Variants in CENPP observed in about 807,000 individuals in gnomAD.
CENPP encodes centromere protein P.
In CENPP, 24 loss-of-function variants were observed where a neutral mutation model predicts 35.6. That is an observed-to-expected ratio of 0.67 (90% CI 0.49 to 0.95). The LOEUF (loss-of-function observed/expected upper bound fraction) is 0.95, where lower values mean the gene tolerates loss of function less well. Ranked by LOEUF, CENPP falls within the 40% of genes least tolerant of loss-of-function variation. The pLI, the probability that CENPP is intolerant of heterozygous loss-of-function variation, is 0.00. For missense variants in CENPP, 332 were observed against 345.3 expected (o/e 0.96, Z 0.31); for synonymous variants, 120 against 125.5 (o/e 0.96, Z 0.29).
chr9:92,453,586 G>A (rs1016813044), intron 5 of CENPP, among the ~76,000 whole-genome samples: 7 of 151,974 alleles, frequency 4.6e-5, no homozygotes, highest in African/African-American at 7.3e-5. Flanking sequence ...GTTGATTTGG[G>A]GTGGAGAGTT....
intron 5 of CENPP, among the ~76,000 whole-genome samples, chr9:92,553,269 T>G (rs1849652321): frequency 6.6e-6 from 1 of 152,266 alleles, no homozygotes; most frequent in East Asian, 1.9e-4. Flanking sequence ...CATTGGTCTA[T>G]ATGCCTATTT....
At chr9:92,360,115 A>T (rs1278164014) in intron 4 of CENPP, among the ~76,000 whole-genome samples, 2 of 152,062 alleles carry the variant, frequency 1.3e-5, no homozygotes, top group African/African-American at 2.4e-5. Flanking sequence ...TCTCCTTTAA[A>T]TATATTTTAA....
chr9:92,578,070 A>G (rs540878230), intron 5 of CENPP, among the ~76,000 whole-genome samples: 12 of 151,640 alleles, frequency 7.9e-5, no homozygotes, highest in African/African-American at 2.4e-4. Flanking sequence ...TGTTCTTGCA[A>G]TAGTTTACTG....
intron 5 of CENPP, among the ~76,000 whole-genome samples, chr9:92,434,039 A>G (rs1417449050): frequency 6.6e-6 from 1 of 152,168 alleles, no homozygotes; most frequent in Non-Finnish European, 1.5e-5. Flanking sequence ...CACTAATTCT[A>G]GCTGAGCCAA....
chr9:92,588,312 G>T (rs975781762), intron 5 of CENPP, among the ~76,000 whole-genome samples: 1 of 151,446 alleles, frequency 6.6e-6, no homozygotes, highest in African/African-American at 2.4e-5. Flanking sequence ...GCAGTGGCGC[G>T]ATCTCGGCTC....
At chr9:92,506,993 C>T (rs1033321688) in intron 5 of CENPP, among the ~76,000 whole-genome samples, 3 of 152,086 alleles carry the variant, frequency 2.0e-5, no homozygotes, top group South Asian at 2.1e-4. Flanking sequence ...CTGCAACCTC[C>T]GCCTCCCGGG....
chr9:92,436,149 C>T (rs541380467), intron 5 of CENPP, among the ~76,000 whole-genome samples: 1 of 152,272 alleles, frequency 6.6e-6, no homozygotes, highest in Admixed American at 6.5e-5. Flanking sequence ...TTGCATTTCC[C>T]AAATAGCTAA....
chr9:92,446,622 A>T (rs1008520376), intron 5 of CENPP, among the ~76,000 whole-genome samples: 4 of 152,142 alleles, frequency 2.6e-5, no homozygotes, highest in African/African-American at 9.7e-5. Flanking sequence ...CTTTTCCTTC[A>T]CTAATAAGCA....
At chr9:92,362,186 C>T (rs73518479) in intron 4 of CENPP, among the ~76,000 whole-genome samples, 3,075 of 151,982 alleles carry the variant, frequency 0.02, 109 homozygotes, top group African/African-American at 0.07. Flanking sequence ...CCATCCTGAG[C>T]AACAGAGCAA....
chr9:92,618,645 C>A lies in CENPP; in HGVS notation c.*5496C>A, dbSNP rs1387175893. 1 of 442,528 alleles carries A rather than the reference C, an allele frequency of 2.3e-6. No individual in the cohort carries two copies. Among genetic ancestry groups the A allele is most frequent in the Admixed American group, 2.4e-5 (1 of 41,598 alleles). 27.4% of individuals were successfully genotyped at this position (442,528 alleles called of 1,614,324 possible). On this transcript the variant is annotated 3_prime_UTR_variant, in exon 8 of 8. Transcript: ENST00000375587. Reference sequence around the variant, plus strand: ...CTGTAGGTATTTCCTTAGGGGATAACAGGAGTTTTCAACTAAATAGAACAA... The same window carrying A: ...CTGTAGGTATTTCCTTAGGGGATAAAAGGAGTTTTCAACTAAATAGAACAA...
intron 5 of CENPP, chr9:92,514,486 G>T: frequency 9.3e-7 from 1 of 1,073,836 alleles, no homozygotes; most frequent in Non-Finnish European, 1.3e-6. Flanking sequence ...TATTGTCCAG[G>T]CTGGTCTCAA....
intron 4 of CENPP, among the ~76,000 whole-genome samples, chr9:92,378,018 A>G (rs1242314538): frequency 1.3e-5 from 2 of 152,116 alleles, no homozygotes; most frequent in Non-Finnish European, 2.9e-5. Flanking sequence ...TAACAGAGCA[A>G]CCCACTGTGT....
intron 5 of CENPP, among the ~76,000 whole-genome samples, chr9:92,573,283 G>A (rs945646969): frequency 1.3e-5 from 2 of 152,146 alleles, no homozygotes; most frequent in African/African-American, 4.8e-5. Flanking sequence ...GTTTTGGTGT[G>A]GATGTCCTTT....
intron 5 of CENPP, among the ~76,000 whole-genome samples, chr9:92,484,165 T>C (rs189061549): frequency 5.9e-5 from 9 of 152,286 alleles, no homozygotes; most frequent in African/African-American, 1.4e-4. Flanking sequence ...GAACTGTTTA[T>C]TGAAGTGTAT....
intron 5 of CENPP, among the ~76,000 whole-genome samples, chr9:92,423,953 A>C (rs1167448310): frequency 6.6e-6 from 1 of 152,150 alleles, no homozygotes; most frequent in Non-Finnish European, 1.5e-5. Context: ...TTCAAAGTAA[A>C]AAAAAATCTA....
At chr9:92,332,490 A>G (rs563058151) in intron 2 of CENPP, 139 bp downstream of exon 2, 8 of 646,296 alleles carry the variant, frequency 1.2e-5, no homozygotes, top group South Asian at 1.1e-4. Flanking sequence ...GTTTACTCAC[A>G]TATCTTTTGA....
chr9:92,533,107 G>C (rs1170081984), intron 5 of CENPP, among the ~76,000 whole-genome samples: 1 of 151,016 alleles, frequency 6.6e-6, no homozygotes, highest in Non-Finnish European at 1.5e-5. Flanking sequence ...GACCAGCCTG[G>C]CCAATATGGT....
At position 92,372,588 on chromosome 9, in the gene CENPP, T is replaced by C. The variant is rs538776050; in HGVS notation, c.468-7175T>C. 2.8e-4 allele frequency among the ~76,000 whole-genome samples: 43 copies of C among 152,328 alleles called. 1 individual carries two copies. The South Asian group carries it at 8.9e-3, about 32-fold the overall frequency. ...AAATGTCATCCTTTCGCCTCCAAGT[T>C]TAGGACTTCCTTGAGCATTTCTTCT... On this transcript the variant is annotated intron_variant, in intron 4 of 7. Transcript: ENST00000375587.
At chr9:92,612,485 C>G (rs1210711820) in intron 6 of CENPP, 38 bp from the exon 7 acceptor site, 1 of 1,525,732 alleles carries the variant, frequency 6.6e-7, no homozygotes, top group Non-Finnish European at 9.1e-7. Flanking sequence ...CGCCAGATTT[C>G]AAAAAGCACA....
Sources: gnomAD v4.1 joint callset for allele counts (sites outside exome capture counted in the v4.1 genomes callset) on GRCh38, gnomAD v4.1.1 for gene constraint, MANE v1.5 for transcripts, NCBI Gene and HGNC (gene_info 2026-07-23, HGNC 2026-07-21) for gene names.